Variants in RASGRP3 observed in about 807,000 individuals in gnomAD.
RASGRP3 encodes RAS guanyl releasing protein 3.
Under a neutral mutation model 82.7 loss-of-function variants are expected in RASGRP3, and 54 were observed. The ratio of observed to expected loss-of-function variants is 0.65; its 90% CI spans 0.52 to 0.82. The LOEUF (loss-of-function observed/expected upper bound fraction) is 0.82, where lower values mean the gene tolerates loss of function less well. Ranked by LOEUF, RASGRP3 falls within the 40% of genes least tolerant of loss-of-function variation. The pLI, the probability that RASGRP3 is intolerant of heterozygous loss-of-function variation, is 0.00. For missense variants in RASGRP3, 861 were observed against 828.9 expected, an observed-to-expected ratio of 1.04 and a Z score of -0.48; for synonymous variants, 309 against 300.5, an observed-to-expected ratio of 1.03 and a Z score of -0.29.
intron 1 of RASGRP3, among the ~76,000 whole-genome samples, chr2:33,488,845 G>A (rs1175824193): frequency 1.3e-5 from 2 of 152,166 alleles, no homozygotes; most frequent in Non-Finnish European, 2.9e-5. Context: ...TGTTGATGAA[G>A]ATATCGAGTA....
intron 9 of RASGRP3, among the ~76,000 whole-genome samples, chr2:33,524,947 G>C (rs947963315): frequency 1.3e-5 from 2 of 151,904 alleles, no homozygotes; most frequent in African/African-American, 4.8e-5. Context: ...CGGGTGTGGT[G>C]GCAGGCACCT....
At chr2:33,556,229 A>ATTTTTTTTTTTTTTTT (rs1675932842) in intron 15 of RASGRP3, among the ~76,000 whole-genome samples, 1 of 86,954 alleles carries the variant, frequency 1.2e-5, no homozygotes, top group Non-Finnish European at 2.0e-5. Context: ...TCTTCTAATA[A>ATTTTTTTTTTTTTTTT]TCTTTTTTTT....
chr2:33,458,195 G>C (rs1666151160), intron 2 of RASGRP3: 1 of 152,198 alleles, frequency 6.6e-6, no homozygotes, highest in African/African-American at 2.4e-5. Context: ...TGAATCGTAT[G>C]AGTTGAATTT....
intron 10 of RASGRP3, among the ~76,000 whole-genome samples, chr2:33,530,289 G>A (rs899416755): frequency 2.0e-5 from 3 of 152,050 alleles, no homozygotes; most frequent in South Asian, 2.1e-4. Flanking sequence ...CAGCCCTGGA[G>A]GACAGAAAAA....
chr2:33,500,995 C>T (rs780789931), intron 1 of RASGRP3, among the ~76,000 whole-genome samples: 10 of 152,142 alleles, frequency 6.6e-5, no homozygotes, highest in Non-Finnish European at 1.3e-4. Context: ...TCACAAGGTT[C>T]TTCAACAACT....
chr2:33,516,025 T>C (rs1270167397), intron 3 of RASGRP3, among the ~76,000 whole-genome samples: 7 of 152,234 alleles, frequency 4.6e-5, no homozygotes, highest in Non-Finnish European at 1.5e-5. Flanking sequence ...TTGTCCTGAA[T>C]TTTACTAAAA....
At chr2:33,552,660 T>G (rs1675487393) in intron 14 of RASGRP3, among the ~76,000 whole-genome samples, 1 of 152,198 alleles carries the variant, frequency 6.6e-6, no homozygotes, top group Middle Eastern at 3.2e-3. Context: ...AATTCCATTT[T>G]AAGTTTAAGG....
intron 13 of RASGRP3, among the ~76,000 whole-genome samples, chr2:33,547,074 A>AAAG (rs1491138383): frequency 2.5e-4 from 34 of 137,862 alleles, no homozygotes; most frequent in Non-Finnish European, 2.9e-4. Flanking sequence ...AAAAAAAAAA[A>AAAG]GAGAGAGAGA....
At chr2:33,503,972 T>TA (rs1328397906) in intron 1 of RASGRP3, among the ~76,000 whole-genome samples, 8 of 152,188 alleles carry the variant, frequency 5.3e-5, no homozygotes, top group Admixed American at 2.0e-4. Context: ...TTTGTGCCTT[T>TA]AAAAAAATCC....
Position 33,512,770 on chromosome 2 carries a change from AT to A in RASGRP3, c.-128+929del, listed in dbSNP as rs1261982393. 2.0e-5 allele frequency among the ~76,000 whole-genome samples: 3 copies of A among 152,354 alleles called. No individual in the cohort carries two copies. The East Asian group carries it at 5.8e-4, about 29-fold the overall frequency. On this transcript the variant is annotated intron_variant, in intron 2 of 17. Transcript: ENST00000403687. ...ATCCACTCGTTTATTAATTTAGTGA[AT>A]AATTTTTGAGTATCTTTTATGTGAG...
intron 1 of RASGRP3, among the ~76,000 whole-genome samples, chr2:33,507,246 T>C (rs959100840): frequency 2.0e-5 from 3 of 151,922 alleles, no homozygotes; most frequent in Admixed American, 1.3e-4. Flanking sequence ...AATACAAAAA[T>C]TAGCTGGGCA....
At chr2:33,495,927 T>C (rs1669264764) in intron 1 of RASGRP3, among the ~76,000 whole-genome samples, 1 of 152,206 alleles carries the variant, frequency 6.6e-6, no homozygotes, top group Non-Finnish European at 1.5e-5. Context: ...TCCATCCAAA[T>C]GTTGCCTCAT....
In RASGRP3 at chr2:33,558,938, C is replaced by G. The variant is rs779454015; in HGVS notation, c.1972C>G (p.Pro658Ala). 2 of 1,613,960 alleles carry G rather than the reference C, an allele frequency of 1.2e-6. No homozygotes were observed. Among genetic ancestry groups the G allele is most frequent in the South Asian group, 2.2e-5 (2 of 91,076 alleles). Reference sequence around the variant, plus strand: ...CTTTGCCAAATGGGAAAATGAGAAGCCCAGGGTGCATGCTGGTGTGGATGT... The same window carrying G: ...CTTTGCCAAATGGGAAAATGAGAAGGCCAGGGTGCATGCTGGTGTGGATGT... ...KGFAKWENEK[P>A]RVHAGVDVVD... Residue 658 changes from proline (P) to alanine (A), a missense_variant, in exon 17 of 18, where the codon CCC becomes GCC. Pro to Ala is a conservative substitution (Grantham distance 27, BLOSUM62 -1). Coordinates refer to ENST00000403687, the MANE Select transcript of RASGRP3 (RefSeq NM_001139488.2).
chr2:33,529,260 C>T (rs919815987), intron 10 of RASGRP3, among the ~76,000 whole-genome samples: 4 of 151,350 alleles, frequency 2.6e-5, no homozygotes, highest in Non-Finnish European at 5.9e-5. Flanking sequence ...TTTGGGAGGC[C>T]AAGGCGGGCA....
At chr2:33,555,433 C>A in intron 14 of RASGRP3, 98 bp from the exon 15 acceptor site, 2 of 1,013,708 alleles carry the variant, frequency 2.0e-6, no homozygotes, top group Non-Finnish European at 3.0e-6. Flanking sequence ...TTGTGCCTGG[C>A]CAGTCCTGAA....
chr2:33,558,578 G>A lies in RASGRP3; in HGVS notation c.1706-94G>A, dbSNP rs373971194. ...TGTCCCTTGTCGGTTCCTCTAGAATGTTGCATGCCAGACTCGTGCTGTTTG... is the reference window on the plus strand; with the variant it reads ...TGTCCCTTGTCGGTTCCTCTAGAATATTGCATGCCAGACTCGTGCTGTTTG... On this transcript the variant is annotated intron_variant, in intron 16 of 17. Transcript: ENST00000403687. 104 of 1,218,244 alleles carry A rather than the reference G, an allele frequency of 8.5e-5. No homozygotes were observed. In the African/African-American group the frequency reaches 1.1e-3, roughly 13 times the overall value. 75.5% of individuals were successfully genotyped at this position (1,218,244 alleles called of 1,614,324 possible). A position where few individuals can be genotyped will look rare whatever the true frequency, so the allele number is the denominator to read the frequency against.
At position 33,563,902 on chromosome 2, in the gene RASGRP3, A is replaced by C. The variant is rs1009106831; in HGVS notation, c.*1165A>C. On this transcript the variant is annotated 3_prime_UTR_variant, in exon 18 of 18. Coordinates refer to ENST00000403687, the MANE Select transcript of RASGRP3 (RefSeq NM_001139488.2). ...TCTATTTCTTCCATGATTAGAGGAG[A>C]GAGAACTTGATTCAAGATACTGAAA... 2 of 152,116 alleles carry C rather than the reference A, an allele frequency of 1.3e-5. No homozygotes were observed. Among genetic ancestry groups the C allele is most frequent in the African/African-American group, 4.8e-5 (2 of 41,456 alleles). 9.4% of individuals were successfully genotyped at this position (152,116 alleles called of 1,614,324 possible). A position where few individuals can be genotyped will look rare whatever the true frequency, so the allele number is the denominator to read the frequency against.
In RASGRP3 at chr2:33,527,292, G is replaced by A. The variant is rs766503616; in HGVS notation, c.963G>A (p.Glu321=). Residue 321 remains glutamate (E), a synonymous_variant, in exon 10 of 18, where the codon GAG becomes GAA. Transcript: ENST00000403687. ...AVHVIFPDWT[E]ENKVNIVKMH... The stretch of plus-strand genomic sequence containing the variant: ...ATGTCATTTTCCCAGACTGGACAGA[G>A]GAGAACAAAGTGAACATTGTGAAAA... The A allele has an allele frequency of 1.2e-6, 2 of 1,610,352 alleles. No homozygotes were observed. The highest frequency in any genetic ancestry group is 1.1e-5 in the South Asian group (1 of 91,080).
chr2:33,560,678 G>C (rs1318591993), intron 17 of RASGRP3, among the ~76,000 whole-genome samples: 1 of 152,244 alleles, frequency 6.6e-6, no homozygotes, highest in African/African-American at 2.4e-5. Flanking sequence ...GGGTGCTGTA[G>C]CTGCCCCTGG....
Sources: gnomAD v4.1 joint callset for allele counts (sites outside exome capture counted in the v4.1 genomes callset) on GRCh38, gnomAD v4.1.1 for gene constraint, MANE v1.5 for transcripts, NCBI Gene and HGNC (gene_info 2026-07-23, HGNC 2026-07-21) for gene names.